Variants in RNLS observed in about 807,000 individuals in gnomAD.
The protein encoded by RNLS is renalase, FAD dependent amine oxidase.
In RNLS, 39 loss-of-function variants were observed where a neutral mutation model predicts 39.8. That is an observed-to-expected ratio of 0.98 (90% confidence interval 0.76 to 1.28). RNLS has a LOEUF of 1.28. Among genes scored for constraint, RNLS ranks in the 50% most tolerant of loss-of-function variants. The pLI, the probability that RNLS is intolerant of heterozygous loss-of-function variation, is 0.00. For synonymous variants in RNLS, 147 were observed against 150.7 expected, an observed-to-expected ratio of 0.98 and a Z score of 0.18; for missense variants, 410 against 413.3, an observed-to-expected ratio of 0.99 and a Z score of 0.07.
rs1845197638 is a variant in RNLS, at chr10:88,309,527, C to A, written c.876+4939G>T. On this transcript the variant is annotated intron_variant, in intron 6 of 6. Transcript: ENST00000331772. Reference sequence around the variant, plus strand: ...CCATTGCACATTTCCCCTTTTCTCTCTTACTCCTTTTAACTCCTAGCAGTA... The same window carrying A: ...CCATTGCACATTTCCCCTTTTCTCTATTACTCCTTTTAACTCCTAGCAGTA... The A allele has an allele frequency of 3.4e-6, 4 of 1,159,574 alleles. No individual in the cohort carries two copies. In the Admixed American group the frequency reaches 9.2e-5, roughly 27 times the overall value. The allele number at this position is 1,159,574 out of a possible 1,614,324, so 71.8% of individuals were successfully genotyped here.
At chr10:88,447,889 C>T (rs1217228053) in intron 4 of RNLS, among the ~76,000 whole-genome samples, 1 of 152,048 alleles carries the variant, frequency 6.6e-6, no homozygotes, top group Non-Finnish European at 1.5e-5. Flanking sequence ...ACAAACCTGA[C>T]AAAAACAAGA....
At chr10:88,357,236 G>A (rs1849259534) in intron 5 of RNLS, among the ~76,000 whole-genome samples, 1 of 152,110 alleles carries the variant, frequency 6.6e-6, no homozygotes, top group South Asian at 2.1e-4. Flanking sequence ...TTATCTTATT[G>A]AGGAGGCAAC....
intron 4 of RNLS, among the ~76,000 whole-genome samples, chr10:88,426,967 T>C (rs1173249694): frequency 6.6e-6 from 1 of 152,002 alleles, no homozygotes; most frequent in Non-Finnish European, 1.5e-5. Context: ...TAATGGTGGT[T>C]AGAATTACAT....
intron 6 of RNLS, among the ~76,000 whole-genome samples, chr10:88,297,276 A>G (rs1589485631): frequency 6.6e-6 from 1 of 152,188 alleles, no homozygotes; most frequent in African/African-American, 2.4e-5. Flanking sequence ...TGTGAGAGTT[A>G]CAGTTGTTTC....
At chr10:88,353,985 G>C (rs893670678) in intron 5 of RNLS, among the ~76,000 whole-genome samples, 5 of 152,094 alleles carry the variant, frequency 3.3e-5, no homozygotes, top group Non-Finnish European at 7.3e-5. Context: ...TGTCTCTTTT[G>C]ATCTTTGTTG....
intron 4 of RNLS, among the ~76,000 whole-genome samples, chr10:88,395,019 A>G (rs552647659): frequency 6.6e-6 from 1 of 152,186 alleles, no homozygotes; most frequent in South Asian, 2.1e-4. Context: ...CAGGAAGGGG[A>G]ACATCACACA....
chr10:88,484,453 T>C (rs1844375171), intron 4 of RNLS, among the ~76,000 whole-genome samples: 1 of 151,968 alleles, frequency 6.6e-6, no homozygotes, highest in African/African-American at 2.4e-5. Context: ...GAACACAGAA[T>C]GGGGACAGGA....
At chr10:88,347,857 T>C (rs1023919571) in intron 5 of RNLS, among the ~76,000 whole-genome samples, 1 of 152,138 alleles carries the variant, frequency 6.6e-6, no homozygotes, top group African/African-American at 2.4e-5. Flanking sequence ...GGCAGAGTAA[T>C]TTAGCTCTCT....
At chr10:88,216,160 C>T in the RNLS span, among the ~76,000 whole-genome samples, 1 of 152,168 alleles carries the variant, frequency 6.6e-6, no homozygotes, top group South Asian at 2.1e-4. Context: ...TCAATCCATT[C>T]CTGGGTTTTA....
intron 4 of RNLS, among the ~76,000 whole-genome samples, chr10:88,497,415 C>T (rs942626346): frequency 1.1e-4 from 16 of 151,420 alleles, no homozygotes; most frequent in Admixed American, 2.0e-4. Context: ...TAGGTTGATC[C>T]AAATACATAA....
At position 88,579,500 on chromosome 10, in the gene RNLS, G is replaced by A. The variant is rs147554690; in HGVS notation, c.367+2067C>T. Among the ~76,000 whole-genome samples the A allele has an allele frequency of 3.5e-3, 534 of 152,268 alleles. 3 individuals are homozygous for A. The highest frequency in any genetic ancestry group is 0.012 in the African/African-American group (506 of 41,556). Reference sequence around the variant, plus strand: ...GGGATGAATGCAAGGCCAGAGATAGGAGGGCAGGAGAAGGTCAGAGAGAGC... The same window carrying A: ...GGGATGAATGCAAGGCCAGAGATAGAAGGGCAGGAGAAGGTCAGAGAGAGC... On this transcript the variant is annotated intron_variant, in intron 3 of 6. Transcript: ENST00000331772.
intron 5 of RNLS, among the ~76,000 whole-genome samples, chr10:88,358,147 G>A (rs1849341481): frequency 6.6e-6 from 1 of 152,146 alleles, no homozygotes; most frequent in South Asian, 2.1e-4. Flanking sequence ...AACTACCCAA[G>A]TTAATATGAT....
the RNLS span, among the ~76,000 whole-genome samples, chr10:88,235,105 C>G: frequency 6.6e-6 from 1 of 151,548 alleles, no homozygotes; most frequent in South Asian, 2.1e-4. Context: ...ACTAAAAATA[C>G]AAAAAAATTA....
chr10:88,176,127 A>G, the RNLS span, among the ~76,000 whole-genome samples: 9 of 150,992 alleles, frequency 6.0e-5, 1 homozygote, highest in African/African-American at 2.2e-4. Flanking sequence ...TAGGCATCAT[A>G]TAGTTAGGGA....
intron 5 of RNLS, among the ~76,000 whole-genome samples, chr10:88,324,918 G>A (rs1846475548): frequency 1.3e-5 from 2 of 152,098 alleles, no homozygotes; most frequent in Admixed American, 1.3e-4. Flanking sequence ...TTTGTAACTG[G>A]TTTATTTCAC....
chr10:88,498,964 T>C (rs1210651123), intron 4 of RNLS, among the ~76,000 whole-genome samples: 1 of 152,154 alleles, frequency 6.6e-6, no homozygotes, highest in Non-Finnish European at 1.5e-5. Flanking sequence ...GTTCAGGGAA[T>C]AAAACCACTA....
At chr10:88,541,019 C>T (rs1467100716) in intron 4 of RNLS, among the ~76,000 whole-genome samples, 3 of 148,830 alleles carry the variant, frequency 2.0e-5, no homozygotes, top group Admixed American at 2.0e-4. Flanking sequence ...CATTTCTTAA[C>T]TAGCTTGAAA....
intron 4 of RNLS, among the ~76,000 whole-genome samples, chr10:88,433,497 C>A (rs1293327384): frequency 6.6e-6 from 1 of 151,908 alleles, no homozygotes; most frequent in Non-Finnish European, 1.5e-5. Context: ...CATCTAAATA[C>A]CATAATATTT....
At chr10:88,422,314 C>T (rs773615817) in intron 4 of RNLS, among the ~76,000 whole-genome samples, 14 of 152,048 alleles carry the variant, frequency 9.2e-5, no homozygotes, top group South Asian at 8.3e-4. Flanking sequence ...ATGGGGGATA[C>T]GAATTCGAAG....
Sources: allele counts gnomAD v4.1 joint callset (sites outside exome capture counted in the v4.1 genomes callset), GRCh38; gene constraint gnomAD v4.1.1; transcripts MANE v1.5; gene names NCBI Gene and HGNC (gene_info 2026-07-23, HGNC 2026-07-21).